SLC24A3: variants seen among roughly 807,000 people sequenced by gnomAD.
SLC24A3 encodes sodium/potassium/calcium exchanger 3.
SLC24A3 carries 28 observed loss-of-function variants against 75.8 expected under a neutral mutation model. That is an observed-to-expected ratio of 0.37 (90% CI 0.27 to 0.51). The LOEUF is 0.51. SLC24A3 is among the 20% of genes least tolerant of loss of function. The pLI is 0.94. For synonymous variants in SLC24A3, 372 were observed against 334.1 expected (o/e 1.11, Z -1.24); for missense variants, 663 against 847.8 (o/e 0.78, Z 2.71).
intron 6 of SLC24A3, among the ~76,000 whole-genome samples, chr20:19,637,642 T>C (rs1267062701): frequency 6.6e-6 from 1 of 152,232 alleles, no homozygotes; most frequent in African/African-American, 2.4e-5. Context: ...AAGGAATCCT[T>C]AGATAAGGCA....
intron 2 of SLC24A3, among the ~76,000 whole-genome samples, chr20:19,481,967 A>G (rs1988061967): frequency 6.6e-6 from 1 of 152,032 alleles, no homozygotes; most frequent in African/African-American, 2.4e-5. Flanking sequence ...TCCCAGACCC[A>G]GTCTTCCTCC....
chr20:19,502,333 G>A (rs1988396287), intron 2 of SLC24A3, among the ~76,000 whole-genome samples: 2 of 152,146 alleles, frequency 1.3e-5, no homozygotes, highest in South Asian at 4.1e-4. Flanking sequence ...AACCTCACAT[G>A]CTTGGGGATG....
At chr20:19,674,398 A>G (rs913059435) in intron 9 of SLC24A3, among the ~76,000 whole-genome samples, 2 of 152,224 alleles carry the variant, frequency 1.3e-5, no homozygotes, top group Admixed American at 1.3e-4. Flanking sequence ...CAGAGCTGCC[A>G]TCATGTACTG....
intron 4 of SLC24A3, among the ~76,000 whole-genome samples, chr20:19,581,309 T>A (rs1044716603): frequency 3.3e-5 from 5 of 152,122 alleles, no homozygotes; most frequent in Admixed American, 3.3e-4. Flanking sequence ...CACTATTGGG[T>A]GTTTTATTAT....
intron 12 of SLC24A3, among the ~76,000 whole-genome samples, chr20:19,687,825 G>C (rs1313975518): frequency 6.6e-6 from 1 of 152,178 alleles, no homozygotes; most frequent in East Asian, 1.9e-4. Flanking sequence ...TTTGAAACTC[G>C]TGCTCGCCAC....
chr20:19,607,017 T>C (rs1453486281), intron 6 of SLC24A3, among the ~76,000 whole-genome samples: 1 of 152,070 alleles, frequency 6.6e-6, no homozygotes, highest in African/African-American at 2.4e-5. Flanking sequence ...TAGAAGAGGG[T>C]TGGACGTGTG....
At chr20:19,714,282 A>G (rs931672892) in intron 15 of SLC24A3, among the ~76,000 whole-genome samples, 1 of 151,850 alleles carries the variant, frequency 6.6e-6, no homozygotes. Context: ...GTGTGTGCCT[A>G]TAGTCCCAGC....
intron 2 of SLC24A3, among the ~76,000 whole-genome samples, chr20:19,487,091 T>G (rs1010312671): frequency 1.3e-5 from 2 of 152,246 alleles, no homozygotes; most frequent in African/African-American, 4.8e-5. Flanking sequence ...AATTACTTTA[T>G]AAGAGTTTGG....
intron 2 of SLC24A3, among the ~76,000 whole-genome samples, chr20:19,362,256 C>A (rs963068630): frequency 3.9e-5 from 6 of 152,164 alleles, no homozygotes; most frequent in African/African-American, 1.4e-4. Context: ...ATCAGCTTAC[C>A]TTTATCCTGG....
intron 1 of SLC24A3, among the ~76,000 whole-genome samples, chr20:19,260,057 A>G (rs1292566068): frequency 6.6e-6 from 1 of 152,224 alleles, no homozygotes; most frequent in Non-Finnish European, 1.5e-5. Context: ...TGGAAGGTGG[A>G]TACCAGGCCC....
intron 2 of SLC24A3, among the ~76,000 whole-genome samples, chr20:19,460,682 G>A (rs1260845600): frequency 6.6e-6 from 1 of 152,056 alleles, no homozygotes; most frequent in African/African-American, 2.4e-5. Flanking sequence ...TTCCCTCCGG[G>A]GTGTTTATGG....
intron 6 of SLC24A3, among the ~76,000 whole-genome samples, chr20:19,603,654 T>A (rs1286564641): frequency 6.6e-6 from 1 of 152,258 alleles, no homozygotes; most frequent in Non-Finnish European, 1.5e-5. Flanking sequence ...CCCATAACTA[T>A]CAGACTTCGG....
intron 2 of SLC24A3, among the ~76,000 whole-genome samples, chr20:19,408,641 C>G (rs66505527): frequency 0.11 from 17,337 of 152,150 alleles, 1,483 homozygotes; most frequent in East Asian, 0.32. Flanking sequence ...CCACCCACCT[C>G]AGCCTCCCAA....
At chr20:19,462,744 A>G (rs1419946207) in intron 2 of SLC24A3, among the ~76,000 whole-genome samples, 1 of 152,134 alleles carries the variant, frequency 6.6e-6, no homozygotes, top group Non-Finnish European at 1.5e-5. Context: ...CCATGAAGTC[A>G]ATGAGACCAG....
intron 2 of SLC24A3, among the ~76,000 whole-genome samples, chr20:19,289,461 C>T (rs1983888467): frequency 6.6e-6 from 1 of 152,176 alleles, no homozygotes; most frequent in Non-Finnish European, 1.5e-5. Flanking sequence ...TGCACGATGA[C>T]AGTTTCCCCA....
intron 7 of SLC24A3, among the ~76,000 whole-genome samples, chr20:19,661,710 G>A (rs1367780369): frequency 6.6e-6 from 1 of 152,132 alleles, no homozygotes; most frequent in Non-Finnish European, 1.5e-5. Flanking sequence ...CTGCTTCATG[G>A]TGACAATTTA....
intron 2 of SLC24A3, among the ~76,000 whole-genome samples, chr20:19,446,972 A>T (rs1987398091): frequency 6.6e-6 from 1 of 152,146 alleles, no homozygotes; most frequent in Admixed American, 6.5e-5. Context: ...CTCTCATATG[A>T]CTTGGATGAG....
At chr20:19,661,036 G>A (rs543943725) in intron 7 of SLC24A3, among the ~76,000 whole-genome samples, 4 of 152,140 alleles carry the variant, frequency 2.6e-5, no homozygotes, top group African/African-American at 4.8e-5. Context: ...AAGTGCATCC[G>A]CTGGCCTGGA....
chr20:19,254,495 G>C (rs1057344551), intron 1 of SLC24A3, among the ~76,000 whole-genome samples: 8 of 152,234 alleles, frequency 5.3e-5, no homozygotes, highest in South Asian at 4.1e-4. Flanking sequence ...GTGTTGTAGA[G>C]TCTGTCATTC....
Sources: gnomAD v4.1 joint callset for allele counts (sites outside exome capture counted in the v4.1 genomes callset) on GRCh38, gnomAD v4.1.1 for gene constraint, MANE v1.5 for transcripts, NCBI Gene and HGNC (gene_info 2026-07-23, HGNC 2026-07-21) for gene names.